B3GLCT: variants seen among roughly 807,000 people sequenced by gnomAD.
B3GLCT encodes beta-1,3-glucosyltransferase.
A neutral mutation model predicts 63.4 loss-of-function variants in B3GLCT; 65 were observed. That is an observed-to-expected ratio of 1.03 (90% CI 0.84 to 1.26). The LOEUF is 1.26. Among genes scored for constraint, B3GLCT ranks in the 50% most tolerant of loss-of-function variants. B3GLCT has a pLI of 0.00. For missense variants in B3GLCT, 577 were observed against 604.8 expected, an observed-to-expected ratio of 0.95 and a Z score of 0.48; for synonymous variants, 233 against 219.2, an observed-to-expected ratio of 1.06 and a Z score of -0.55.
rs549964753 is a variant in B3GLCT, at chr13:31,246,801, A to G, written c.271-222A>G. On this transcript the variant is annotated intron_variant, in intron 4 of 14. Transcript: ENST00000343307. ...GGGTGGTGCAGAGTGTAGAGGTTGCATGGATTCAGCCAAAATACTTCATTT... is the reference window on the plus strand; with the variant it reads ...GGGTGGTGCAGAGTGTAGAGGTTGCGTGGATTCAGCCAAAATACTTCATTT... 1.6e-4 allele frequency among the ~76,000 whole-genome samples: 24 copies of G among 152,256 alleles called. No homozygotes were observed. In the South Asian group the frequency reaches 2.3e-3, roughly 14 times the overall value.
chr13:31,208,546 A>C (rs1869088117), intron 1 of B3GLCT, among the ~76,000 whole-genome samples: 1 of 147,842 alleles, frequency 6.8e-6, no homozygotes, highest in Admixed American at 6.7e-5. Context: ...AGGAAGCCCC[A>C]GGCCCTCCCT....
At chr13:31,310,878 C>T (rs1340164470) in intron 12 of B3GLCT, among the ~76,000 whole-genome samples, 1 of 152,222 alleles carries the variant, frequency 6.6e-6, no homozygotes, top group Non-Finnish European at 1.5e-5. Context: ...CCAGTCACAG[C>T]ATGCCCAGCC....
chr13:31,302,293 C>G (rs1250968159), intron 12 of B3GLCT, among the ~76,000 whole-genome samples: 1 of 152,102 alleles, frequency 6.6e-6, no homozygotes, highest in Non-Finnish European at 1.5e-5. Flanking sequence ...GTGAATATCC[C>G]AGTTATCATA....
intron 12 of B3GLCT, among the ~76,000 whole-genome samples, chr13:31,295,862 T>TA (rs1044353153): frequency 3.9e-5 from 6 of 152,124 alleles, no homozygotes; most frequent in African/African-American, 1.4e-4. Context: ...CACTGGGGTA[T>TA]AAAAAAACTC....
At chr13:31,219,329 C>T (rs1192694653) in intron 2 of B3GLCT, among the ~76,000 whole-genome samples, 5 of 152,144 alleles carry the variant, frequency 3.3e-5, no homozygotes, top group South Asian at 2.1e-4. Context: ...CACCTAAACA[C>T]GTGATTATTA....
Position 31,330,768 on chromosome 13 carries a change from G to C in B3GLCT, c.*1100G>C, listed in dbSNP as rs1875882842. ...AAAAGCACTCTAATTATATAATTCA[G>C]TTTTTGTAAAGGTATTTGCATAAAA... On this transcript the variant is annotated 3_prime_UTR_variant, in exon 15 of 15. Coordinates refer to ENST00000343307, the MANE Select transcript of B3GLCT (RefSeq NM_194318.4). 6.6e-6 allele frequency: 1 copy of C among 151,852 alleles called. No individual in the cohort carries two copies. The highest frequency in any genetic ancestry group is 1.5e-5 in the Non-Finnish European group (1 of 67,956). The allele number at this position is 151,852 out of a possible 1,614,324, so 9.4% of individuals were successfully genotyped here.
At chr13:31,273,956 C>T (rs914745698) in intron 8 of B3GLCT, among the ~76,000 whole-genome samples, 2 of 152,172 alleles carry the variant, frequency 1.3e-5, no homozygotes, top group Non-Finnish European at 2.9e-5. Flanking sequence ...TCTCTTCACT[C>T]CTATCAGAAA....
chr13:31,240,116 C>T (rs1432979142), intron 4 of B3GLCT, among the ~76,000 whole-genome samples: 1 of 152,042 alleles, frequency 6.6e-6, no homozygotes, highest in African/African-American at 2.4e-5. Flanking sequence ...GCAAGGCAAC[C>T]TGCAAATACT....
chr13:31,315,194 G>A (rs1041018992), intron 12 of B3GLCT, among the ~76,000 whole-genome samples: 28 of 152,226 alleles, frequency 1.8e-4, no homozygotes, highest in Non-Finnish European at 3.4e-4. Flanking sequence ...ATATGTGGAA[G>A]TGACTTTGGA....
chr13:31,320,791 T>A (rs1036596159), intron 13 of B3GLCT, among the ~76,000 whole-genome samples: 1 of 152,176 alleles, frequency 6.6e-6, no homozygotes, highest in Non-Finnish European at 1.5e-5. Context: ...GAAGCACTAT[T>A]TTTTTCCTCT....
chr13:31,328,381 T>C (rs1312827313), intron 14 of B3GLCT, among the ~76,000 whole-genome samples: 1 of 152,080 alleles, frequency 6.6e-6, no homozygotes, highest in Non-Finnish European at 1.5e-5. Flanking sequence ...GTGGCCCATA[T>C]AAATTAATAA....
At chr13:31,283,479 A>G (rs949904914) in intron 10 of B3GLCT, among the ~76,000 whole-genome samples, 9 of 152,128 alleles carry the variant, frequency 5.9e-5, no homozygotes, top group Non-Finnish European at 1.2e-4. Context: ...GACCATTTTG[A>G]CATGTAGAAA....
chr13:31,220,799 T>C (rs1259982655), intron 2 of B3GLCT, among the ~76,000 whole-genome samples: 4 of 152,264 alleles, frequency 2.6e-5, no homozygotes, highest in Non-Finnish European at 5.9e-5. Context: ...TTTTTGTTGC[T>C]ATTCTTTGAT....
At chr13:31,241,928 G>A (rs1193540613) in intron 4 of B3GLCT, among the ~76,000 whole-genome samples, 2 of 152,080 alleles carry the variant, frequency 1.3e-5, no homozygotes, top group Non-Finnish European at 2.9e-5. Context: ...AGTAGAGAGA[G>A]TTGGAAACGA....
intron 6 of B3GLCT, among the ~76,000 whole-genome samples, chr13:31,255,959 T>C (rs1336498229): frequency 6.6e-6 from 1 of 152,132 alleles, no homozygotes; most frequent in African/African-American, 2.4e-5. Flanking sequence ...CTGATTAAAC[T>C]AAAGAGCTTC....
intron 1 of B3GLCT, among the ~76,000 whole-genome samples, chr13:31,201,086 A>C (rs886751990): frequency 1.3e-5 from 2 of 151,596 alleles, no homozygotes; most frequent in African/African-American, 4.9e-5. Context: ...TGAGCGAAAA[A>C]TTATTTTTTT....
At chr13:31,318,277 C>G (rs762900597) in intron 13 of B3GLCT, among the ~76,000 whole-genome samples, 7 of 152,120 alleles carry the variant, frequency 4.6e-5, no homozygotes, top group African/African-American at 9.7e-5. Context: ...TAGGCAAAAT[C>G]TTATCAACGG....
At chr13:31,267,122 GAATTTT>G (rs1872361796) in intron 7 of B3GLCT, among the ~76,000 whole-genome samples, 2 of 152,180 alleles carry the variant, frequency 1.3e-5, no homozygotes, top group African/African-American at 4.8e-5. Context: ...CAAAGAAAAA[GAATTTT>G]CAAGGATTGA....
chr13:31,257,673 G>C (rs1871810302), intron 6 of B3GLCT, among the ~76,000 whole-genome samples: 1 of 151,860 alleles, frequency 6.6e-6, no homozygotes, highest in Non-Finnish European at 1.5e-5. Flanking sequence ...ACTCATGTAT[G>C]GTGTCTTCTT....
Sources: allele counts gnomAD v4.1 joint callset (sites outside exome capture counted in the v4.1 genomes callset), GRCh38; gene constraint gnomAD v4.1.1; transcripts MANE v1.5; gene names NCBI Gene and HGNC (gene_info 2026-07-23, HGNC 2026-07-21).